Variants in NCOA2 observed in about 807,000 individuals in gnomAD.
NCOA2 encodes nuclear receptor coactivator 2.
A neutral mutation model predicts 145.1 loss-of-function variants in NCOA2; 21 were observed. That is an observed-to-expected ratio of 0.14 (90% CI 0.10 to 0.21). The LOEUF (loss-of-function observed/expected upper bound fraction) is 0.21, where lower values mean the gene tolerates loss of function less well. NCOA2 is among the 10% of genes least tolerant of loss of function. NCOA2 has a pLI of 1.00. For synonymous variants in NCOA2, 619 were observed against 637.5 expected (o/e 0.97, Z 0.44); for missense variants, 1,472 against 1,837.6 (o/e 0.80, Z 3.64).
rs1371052185 is a variant in NCOA2, at chr8:70,163,496, T to C, written c.801A>G (p.Ser267=). 6 of 1,613,840 alleles carry C rather than the reference T, an allele frequency of 3.7e-6. No individual in the cohort carries two copies. Among genetic ancestry groups the C allele is most frequent in the African/African-American group, 2.7e-5 (2 of 74,944 alleles). ...PMKERPVLPS[S]ESFTTRQDLQ... ...GATCCTGGCGAGTAGTAAAACTTTC[T>C]GATGAGGGAAGAACTGGTCTTTCCT... Residue 267 remains serine, a synonymous_variant, in exon 8 of 23, where the codon TCA becomes TCG. Coordinates refer to ENST00000452400, the MANE Select transcript of NCOA2 (RefSeq NM_006540.4).
At chr8:70,362,459 A>C (rs1021626761) in intron 1 of NCOA2, among the ~76,000 whole-genome samples, 1 of 152,118 alleles carries the variant, frequency 6.6e-6, no homozygotes, top group Non-Finnish European at 1.5e-5. Flanking sequence ...AATTCTCAAA[A>C]CTCAATTAAA....
Position 70,213,982 on chromosome 8 carries a change from T to C in NCOA2, c.180A>G (p.Ile60Met). The C allele has an allele frequency of 2.5e-6, 4 of 1,612,968 alleles. No individual in the cohort carries two copies. Among genetic ancestry groups the C allele is most frequent in the Non-Finnish European group, 3.4e-6 (4 of 1,179,578 alleles). ...TGTCAGGTTTGAAGTTAAAGTTGTC[T>C]ATATCATTAAAATTTGCAAAAATCA... The part of the protein sequence containing the change: ...AELIFANFND[I>M]DNFNFKPDKC... The change falls in exon 4 of 23, where the codon ATA (isoleucine) becomes ATG (methionine). Residue 60 changes from isoleucine to methionine, a missense_variant. Around this residue, in one of 4 missense-constraint regions of NCOA2, gnomAD observed 284 missense variants for 467.8 expected, o/e 0.61. Transcript: ENST00000452400.
At chr8:70,273,756 C>A in intron 2 of NCOA2, 1 of 602,276 alleles carries the variant, frequency 1.7e-6, no homozygotes. Context: ...TGGAAAAGCA[C>A]CACTTACTAC....
chr8:70,136,714 T>C (rs940741447), intron 15 of NCOA2, among the ~76,000 whole-genome samples: 1 of 152,218 alleles, frequency 6.6e-6, no homozygotes, highest in Non-Finnish European at 1.5e-5. Flanking sequence ...ACCTGGTTCC[T>C]AAATATTAAC....
intron 4 of NCOA2, among the ~76,000 whole-genome samples, chr8:70,200,218 C>T (rs1456135337): frequency 2.6e-5 from 4 of 151,958 alleles, no homozygotes; most frequent in African/African-American, 9.7e-5. Context: ...TGGAACCAAT[C>T]CCCCATGGAT....
chr8:70,415,058 C>T, the NCOA2 span, among the ~76,000 whole-genome samples: 10 of 152,154 alleles, frequency 6.6e-5, no homozygotes, highest in South Asian at 1.0e-3. Flanking sequence ...ATCCTAACAC[C>T]TTTGGAGGCT....
At chr8:70,216,257 A>G (rs143605536) in intron 3 of NCOA2, among the ~76,000 whole-genome samples, 1 of 152,224 alleles carries the variant, frequency 6.6e-6, no homozygotes, top group African/African-American at 2.4e-5. Context: ...AAAGAGCCAC[A>G]ATCTTTGTTC....
At chr8:70,293,784 A>ATTTTT (rs1826883752) in intron 2 of NCOA2, among the ~76,000 whole-genome samples, 1 of 152,206 alleles carries the variant, frequency 6.6e-6, no homozygotes, top group African/African-American at 2.4e-5. Flanking sequence ...GGCTAACTTT[A>ATTTTT]AAAATGCTTA....
intron 2 of NCOA2, among the ~76,000 whole-genome samples, chr8:70,291,811 G>A (rs190589197): frequency 9.9e-5 from 15 of 152,274 alleles, no homozygotes; most frequent in East Asian, 3.9e-4. Context: ...CTTTGAATAA[G>A]TTGGCCGGGC....
At chr8:70,428,289 CAAAA>C in the NCOA2 span, among the ~76,000 whole-genome samples, 10,226 of 129,484 alleles carry the variant, frequency 0.079, 494 homozygotes, top group Non-Finnish European at 0.12. Flanking sequence ...CCTGTCTCTA[CAAAA>C]AAAAAAAAAT....
chr8:70,423,429 C>T, the NCOA2 span, among the ~76,000 whole-genome samples: 4 of 152,244 alleles, frequency 2.6e-5, no homozygotes, highest in African/African-American at 7.2e-5. Flanking sequence ...GTGATCTGCC[C>T]ACCTTGGCCT....
chr8:70,361,758 T>C (rs1457338569), intron 1 of NCOA2, among the ~76,000 whole-genome samples: 2 of 152,210 alleles, frequency 1.3e-5, no homozygotes, highest in Admixed American at 6.5e-5. Context: ...ATGTCCAAAA[T>C]GGAATGCCAA....
intron 2 of NCOA2, among the ~76,000 whole-genome samples, chr8:70,226,104 A>T (rs889218493): frequency 2.0e-5 from 3 of 152,178 alleles, no homozygotes; most frequent in Non-Finnish European, 2.9e-5. Context: ...AAAGAAAATT[A>T]AAAAATTAAA....
upstream of NCOA2, among the ~76,000 whole-genome samples, chr8:70,405,279 T>A (rs945497434): frequency 1.3e-5 from 2 of 152,050 alleles, no homozygotes; most frequent in Non-Finnish European, 2.9e-5. Context: ...TGTCTGTGTT[T>A]GTTTGTGGAT....
rs71275059 is a variant in NCOA2, at chr8:70,232,870, T to TACACAC, written c.-19-16112_-19-16107dup. Among the ~76,000 whole-genome samples, 297 of 145,338 alleles carry TACACAC rather than the reference T, an allele frequency of 2.0e-3. 2 individuals are homozygous for TACACAC. The highest frequency in any genetic ancestry group is 5.4e-3 in the African/African-American group (209 of 38,418). On this transcript the variant is annotated intron_variant, in intron 2 of 22. Coordinates refer to ENST00000452400, the MANE Select transcript of NCOA2 (RefSeq NM_006540.4). ...ACTGGGGACCATATGATTTAGAATT[T>TACACAC]ACACACACACACACACACACACGTG...
intron 1 of NCOA2, among the ~76,000 whole-genome samples, chr8:70,378,306 A>T: frequency 6.6e-6 from 1 of 152,116 alleles, no homozygotes; most frequent in Non-Finnish European, 1.5e-5. Flanking sequence ...TAAAAAAGAA[A>T]ATATTATTTT....
chr8:70,281,631 C>T (rs1159244839), intron 2 of NCOA2, among the ~76,000 whole-genome samples: 2 of 152,184 alleles, frequency 1.3e-5, no homozygotes, highest in Admixed American at 1.3e-4. Flanking sequence ...AAAGTAACAA[C>T]ACTCAACAGA....
At chr8:70,337,963 C>T (rs143001321) in intron 1 of NCOA2, among the ~76,000 whole-genome samples, 35 of 152,220 alleles carry the variant, frequency 2.3e-4, no homozygotes, top group African/African-American at 7.2e-4. Context: ...ATTCGTAGCA[C>T]TAAATGCCCA....
chr8:70,381,604 T>C (rs1157161969), intron 1 of NCOA2, among the ~76,000 whole-genome samples: 1 of 152,242 alleles, frequency 6.6e-6, no homozygotes, highest in East Asian at 1.9e-4. Flanking sequence ...AGTGACACCA[T>C]ATAATTACCA....
Sources: gnomAD v4.1 joint callset for allele counts (sites outside exome capture counted in the v4.1 genomes callset) on GRCh38, gnomAD v4.1.1 for gene constraint, gnomAD v4.1.1 regional missense constraint, MANE v1.5 for transcripts, NCBI Gene and HGNC (gene_info 2026-07-23, HGNC 2026-07-21) for gene names.